DPF3: variants seen among roughly 807,000 people sequenced by gnomAD.
The protein encoded by DPF3 is double PHD fingers 3.
Under a neutral mutation model 56.8 loss-of-function variants are expected in DPF3, and 18 were observed. The ratio of observed to expected loss-of-function variants is 0.32; its 90% CI spans 0.22 to 0.47. The LOEUF is 0.47. DPF3 is among the 20% of genes least tolerant of loss of function. The pLI is 1.00. For synonymous variants in DPF3, 188 were observed against 180.2 expected (o/e 1.04, Z -0.35); for missense variants, 403 against 488.8 (o/e 0.82, Z 1.65).
At chr14:72,781,114 T>G (rs183164543) in intron 1 of DPF3, among the ~76,000 whole-genome samples, 3 of 152,234 alleles carry the variant, frequency 2.0e-5, no homozygotes, top group African/African-American at 7.2e-5. Context: ...TCAGCCACCA[T>G]GTTTGAATGG....
intron 2 of DPF3, among the ~76,000 whole-genome samples, chr14:72,768,139 G>T (rs540447432): frequency 6.6e-6 from 1 of 152,238 alleles, no homozygotes; most frequent in African/African-American, 2.4e-5. Context: ...TACTCTAAAA[G>T]AATGGCTAAA....
chr14:72,731,908 C>A lies in DPF3; in HGVS notation c.328G>T (p.Gly110Trp). The A allele has an allele frequency of 6.3e-7, 1 of 1,595,674 alleles. No homozygotes were observed. Among genetic ancestry groups the A allele is most frequent in the East Asian group, 2.3e-5 (1 of 44,128 alleles). The part of the protein sequence containing the change: ...PEVELPLKKD[G>W]FTSESTTLEA... The stretch of plus-strand genomic sequence containing the variant: ...AGCGTGGTGCTCTCTGAGGTGAACC[C>A]ATCCTTCTTCAGGGGAAGCTCCACT... Residue 110 changes from glycine (G) to tryptophan (W), a missense_variant, in exon 4 of 11, where the codon GGG (glycine) becomes TGG (tryptophan). Around this residue, in one of 2 missense-constraint regions of DPF3, gnomAD observed 340 missense variants for 374.3 expected, o/e 0.91. Transcript: ENST00000556509.
chr14:72,707,677 C>CGTGTGT (rs34662853), intron 6 of DPF3, among the ~76,000 whole-genome samples: 9 of 150,146 alleles, frequency 6.0e-5, no homozygotes, highest in African/African-American at 2.0e-4. Context: ...CTTCTGTGTG[C>CGTGTGT]GTGTGTGTGT....
rs145139670 is a variant in DPF3, at chr14:72,724,405, T to C, written c.430-677A>G. 1.2e-3 allele frequency among the ~76,000 whole-genome samples: 185 copies of C among 152,190 alleles called. 1 individual carries two copies. The highest frequency in any genetic ancestry group is 3.4e-3 in the Middle Eastern group (1 of 294). On this transcript the variant is annotated intron_variant, in intron 4 of 10. Coordinates refer to ENST00000556509, the MANE Select transcript of DPF3 (RefSeq NM_001280542.3). Reference sequence around the variant, plus strand: ...CGCTGAGGCTGAAAACAGTTTTGAGTGCTCCAGATCATCCAGTGAAGCCAT... The same window carrying C: ...CGCTGAGGCTGAAAACAGTTTTGAGCGCTCCAGATCATCCAGTGAAGCCAT...
At chr14:72,792,634 C>T (rs1336268569) in intron 1 of DPF3, among the ~76,000 whole-genome samples, 1 of 152,166 alleles carries the variant, frequency 6.6e-6, no homozygotes, top group South Asian at 2.1e-4. Flanking sequence ...TCTCAGTCCC[C>T]AGGGTAACAA....
At chr14:72,725,009 AC>A (rs1056375645) in intron 4 of DPF3, among the ~76,000 whole-genome samples, 8 of 151,996 alleles carry the variant, frequency 5.3e-5, no homozygotes, top group Non-Finnish European at 7.4e-5. Context: ...GAGCTACCAC[AC>A]CTGGCCACCT....
At chr14:72,749,898 T>G in intron 3 of DPF3, among the ~76,000 whole-genome samples, 1 of 147,888 alleles carries the variant, frequency 6.8e-6, no homozygotes, top group African/African-American at 2.5e-5. Flanking sequence ...GAGAGAGAGG[T>G]AAAGAGAGAC....
At position 72,731,907 on chromosome 14, in the gene DPF3, C is replaced by A. The variant is rs1248359051; in HGVS notation, c.329G>T (p.Gly110Val). 1.9e-6 allele frequency: 3 copies of A among 1,597,768 alleles called. No individual in the cohort carries two copies. Among genetic ancestry groups the A allele is most frequent in the Non-Finnish European group, 1.7e-6 (2 of 1,172,132 alleles). The change falls in exon 4 of 11, where the codon GGG becomes GTG. Residue 110 changes from glycine to valine, a missense_variant. Physicochemically the swap from Gly to Val is moderately radical, Grantham distance 109. This residue lies in a region of DPF3 where 340 missense variants were observed against 374.3 expected (regional missense o/e 0.91). Coordinates refer to ENST00000556509, the MANE Select transcript of DPF3 (RefSeq NM_001280542.3). ...PEVELPLKKD[G>V]FTSESTTLEA... is the part of the protein sequence containing the mutation. ...CAGCGTGGTGCTCTCTGAGGTGAAC[C>A]CATCCTTCTTCAGGGGAAGCTCCAC... is the stretch of plus-strand genomic sequence containing the variant.
chr14:72,705,758 G>A (rs533505079), intron 6 of DPF3, among the ~76,000 whole-genome samples: 1 of 152,240 alleles, frequency 6.6e-6, no homozygotes, highest in South Asian at 2.1e-4. Context: ...GCTGCAAGTT[G>A]ATTCTGGCCT....
At chr14:72,684,045 CAT>C (rs201560069) in intron 7 of DPF3, among the ~76,000 whole-genome samples, 1 of 151,844 alleles carries the variant, frequency 6.6e-6, no homozygotes, top group Non-Finnish European at 1.5e-5. Context: ...TTATATTTTA[CAT>C]ATATATATAT....
At chr14:72,800,805 C>T (rs1056967086) in intron 1 of DPF3, among the ~76,000 whole-genome samples, 26 of 152,078 alleles carry the variant, frequency 1.7e-4, no homozygotes, top group Non-Finnish European at 3.1e-4. Flanking sequence ...GGGATGGATG[C>T]ATAGATGGAT....
At chr14:72,863,687 A>G (rs1599505907) in intron 1 of DPF3, among the ~76,000 whole-genome samples, 2 of 152,222 alleles carry the variant, frequency 1.3e-5, no homozygotes, top group Non-Finnish European at 2.9e-5. Context: ...GCATTGAGCC[A>G]CCTACTGTGT....
At chr14:72,760,217 T>G (rs1030445801) in intron 2 of DPF3, among the ~76,000 whole-genome samples, 1 of 152,170 alleles carries the variant, frequency 6.6e-6, no homozygotes, top group Non-Finnish European at 1.5e-5. Flanking sequence ...ATACCTGTAA[T>G]CCCAACAATT....
At chr14:72,812,378 C>T (rs377748526) in intron 1 of DPF3, among the ~76,000 whole-genome samples, 19 of 152,176 alleles carry the variant, frequency 1.2e-4, no homozygotes, top group Admixed American at 3.3e-4. Flanking sequence ...CAACTGACTG[C>T]CACTGTGGCA....
intron 7 of DPF3, among the ~76,000 whole-genome samples, chr14:72,682,451 C>T (rs905486275): frequency 6.6e-6 from 1 of 152,142 alleles, no homozygotes; most frequent in Non-Finnish European, 1.5e-5. Context: ...TGATGTCACT[C>T]CCCTTAATGA....
At chr14:72,738,782 C>G (rs1190827142) in intron 3 of DPF3, among the ~76,000 whole-genome samples, 2 of 152,030 alleles carry the variant, frequency 1.3e-5, no homozygotes. Flanking sequence ...CATGCACACA[C>G]AAAAAATGAC....
chr14:72,869,117 G>A (rs1348653589), intron 1 of DPF3, among the ~76,000 whole-genome samples: 1 of 152,124 alleles, frequency 6.6e-6, no homozygotes, highest in African/African-American at 2.4e-5. Flanking sequence ...ACATGCACAG[G>A]ACCTTGGCAC....
intron 2 of DPF3, among the ~76,000 whole-genome samples, chr14:72,760,903 T>C (rs2139920520): frequency 6.6e-6 from 1 of 152,254 alleles, no homozygotes. Flanking sequence ...TTCATGTTAA[T>C]ATTAATCAAA....
chr14:72,892,792 G>T, intron 1 of DPF3: 1 of 704,362 alleles, frequency 1.4e-6, no homozygotes, highest in Non-Finnish European at 1.7e-6. Context: ...TCGAAGGGGT[G>T]AGGACCCCCC....
Sources: gnomAD v4.1 joint callset for allele counts (sites outside exome capture counted in the v4.1 genomes callset) on GRCh38, gnomAD v4.1.1 for gene constraint, gnomAD v4.1.1 regional missense constraint, MANE v1.5 for transcripts, NCBI Gene and HGNC (gene_info 2026-07-23, HGNC 2026-07-21) for gene names.